CORO7: variants seen among roughly 807,000 people sequenced by gnomAD.
CORO7 encodes the protein coronin-7.
In CORO7, 107 loss-of-function variants were observed where a neutral mutation model predicts 126.6. That is an observed-to-expected ratio of 0.85 (90% CI 0.72 to 0.99). The LOEUF (loss-of-function observed/expected upper bound fraction) is 0.99, where lower values mean the gene tolerates loss of function less well. Among genes scored for constraint, CORO7 ranks in the 50% least tolerant of loss-of-function variants. The probability of loss-of-function intolerance (pLI) is 0.00; values close to 1 mark genes in which losing one functional copy is unlikely to be tolerated. For missense variants in CORO7, 1,314 were observed against 1,255.8 expected, an observed-to-expected ratio of 1.05 and a Z score of -0.70; for synonymous variants, 603 against 536.8, an observed-to-expected ratio of 1.12 and a Z score of -1.70.
chr16:4,384,742 C>T (rs905737237), intron 9 of CORO7, among the ~76,000 whole-genome samples: 18 of 152,110 alleles, frequency 1.2e-4, no homozygotes, highest in African/African-American at 4.1e-4. Flanking sequence ...TGGCAGTGGG[C>T]CTGGGTGGGG....
At chr16:4,396,066 G>A (rs1163968641) in intron 6 of CORO7, among the ~76,000 whole-genome samples, 2 of 151,630 alleles carry the variant, frequency 1.3e-5, no homozygotes, top group Admixed American at 6.6e-5. Context: ...ACTACTACAG[G>A]CTGGGCCATA....
At chr16:4,382,445 C>A (rs1160659036) in intron 9 of CORO7, 4 of 1,609,776 alleles carry the variant, frequency 2.5e-6, no homozygotes, top group Non-Finnish European at 3.4e-6. Context: ...TACACGGTCA[C>A]CCAGCTGCGG....
At chr16:4,365,568 G>A in intron 9 of CORO7, 23 bp from the exon 10 acceptor site, 2 of 1,566,790 alleles carry the variant, frequency 1.3e-6, no homozygotes, top group Non-Finnish European at 1.7e-6. Flanking sequence ...GGGCAAGATG[G>A]CGGGTCAGGG....
At chr16:4,378,768 G>A (rs1363094272) in intron 9 of CORO7, among the ~76,000 whole-genome samples, 1 of 152,110 alleles carries the variant, frequency 6.6e-6, no homozygotes, top group East Asian at 1.9e-4. Flanking sequence ...GCAAAGGCAG[G>A]CTGGGTCTCA....
chr16:4,414,099 G>A (rs933723368), intron 1 of CORO7, among the ~76,000 whole-genome samples: 5 of 151,486 alleles, frequency 3.3e-5, no homozygotes, highest in African/African-American at 9.7e-5. Context: ...GCTGAGGGAG[G>A]AGAATCACTT....
chr16:4,385,211 TGACACATGCTCTTGTTTCATGCCCGGC>T lies in CORO7; in HGVS notation c.785+2748_785+2774del, dbSNP rs2055153963. Among the ~76,000 whole-genome samples the T allele has an allele frequency of 3.3e-5, 5 of 152,190 alleles. No individual in the cohort carries two copies. The South Asian group carries it at 1.0e-3, about 32-fold the overall frequency. ...TGCAGCAGGCCCTGGGCCATGTGGG[TGACACATGCTCTTGTTTCATGCCCGGC>T]GACCTCGTCTATTGAAAAGGAGTGG... is the stretch of plus-strand genomic sequence containing the variant. On this transcript the variant is annotated intron_variant, in intron 9 of 27. Coordinates refer to ENST00000251166, the MANE Select transcript of CORO7 (RefSeq NM_024535.5).
At chr16:4,393,593 G>A (rs569122699) in intron 7 of CORO7, among the ~76,000 whole-genome samples, 78 of 152,284 alleles carry the variant, frequency 5.1e-4, no homozygotes, top group South Asian at 2.9e-3. Flanking sequence ...GTGTGTAGGG[G>A]GCTCTGGGGC....
At chr16:4,384,036 A>T (rs2055101224) in intron 9 of CORO7, among the ~76,000 whole-genome samples, 1 of 152,224 alleles carries the variant, frequency 6.6e-6, no homozygotes, top group African/African-American at 2.4e-5. Context: ...CCATGGGCGC[A>T]GCAGGAAATC....
chr16:4,376,729 G>T (rs1396613578), intron 9 of CORO7, among the ~76,000 whole-genome samples: 1 of 152,052 alleles, frequency 6.6e-6, no homozygotes, highest in African/African-American at 2.4e-5. Flanking sequence ...TTACTCATAG[G>T]GCCCCTCCCT....
intron 9 of CORO7, chr16:4,381,484 G>A (rs755695131): frequency 1.3e-6 from 2 of 1,586,176 alleles, no homozygotes; most frequent in Non-Finnish European, 1.7e-6. Flanking sequence ...GGCTGGTCTG[G>A]GGCTGCAGCA....
At chr16:4,395,662 T>C (rs1158259933) in intron 6 of CORO7, among the ~76,000 whole-genome samples, 1 of 152,172 alleles carries the variant, frequency 6.6e-6, no homozygotes, top group Non-Finnish European at 1.5e-5. Flanking sequence ...AACTACCCTA[T>C]GAAGTGGTAC....
chr16:4,406,389 G>A (rs915400092), intron 5 of CORO7, among the ~76,000 whole-genome samples: 2 of 152,108 alleles, frequency 1.3e-5, no homozygotes, highest in African/African-American at 2.4e-5. Flanking sequence ...TTCACCTCCT[G>A]GGTTCAAGTA....
chr16:4,387,846 C>T, intron 9 of CORO7, 140 bp downstream of exon 9: 2 of 1,069,210 alleles, frequency 1.9e-6, no homozygotes, highest in Non-Finnish European at 2.7e-6. Flanking sequence ...GTGTCTGTTG[C>T]AAGGCCTTGC....
At position 4,412,770 on chromosome 16, in the gene CORO7, A is replaced by T. The variant is rs1596344907; in HGVS notation, c.158-340T>A. On this transcript the variant is annotated intron_variant, in intron 2 of 27. Coordinates refer to ENST00000251166, the MANE Select transcript of CORO7 (RefSeq NM_024535.5). ...TTACTTGAGAAAGAAGCCAACACCC[A>T]AGGTGGCAGAGCTGAGAGACCCAGA... is the stretch of plus-strand genomic sequence containing the variant. 7 of 340,838 alleles carry T rather than the reference A, an allele frequency of 2.1e-5. No homozygotes were observed. In the East Asian group the frequency reaches 3.9e-4, roughly 19 times the overall value. The allele number at this position is 340,838 out of a possible 1,614,324, so 21.1% of individuals were successfully genotyped here. A position where few individuals can be genotyped will look rare whatever the true frequency, so the allele number is the denominator to read the frequency against.
At chr16:4,394,317 C>T (rs533308853) in intron 7 of CORO7, among the ~76,000 whole-genome samples, 80 of 152,152 alleles carry the variant, frequency 5.3e-4, no homozygotes, top group African/African-American at 1.7e-3. Context: ...GGCGTGGTGG[C>T]GGTCGCCTGT....
In CORO7 at chr16:4,412,419, T is replaced by C. The variant is rs2141334694; in HGVS notation, c.169A>G (p.Ile57Val). The C allele has an allele frequency of 1.2e-6, 2 of 1,614,074 alleles. No individual in the cohort carries two copies. The highest frequency in any genetic ancestry group is 1.7e-6 in the Non-Finnish European group (2 of 1,180,036). Residue 57 changes from isoleucine (I) to valine (V), a missense_variant, in exon 3 of 28, where the codon ATT (isoleucine) becomes GTT (valine). Coordinates refer to ENST00000251166, the MANE Select transcript of CORO7 (RefSeq NM_024535.5). ...TCTCCTTGGCCTTGCAGAGGCACAA[T>C]GCCCAGTACACCTGTTAAACAAACA... ...FNSDRPGVLG[I>V]VPLQGQGEDK...
Position 4,360,489 on chromosome 16 carries a change from C to A in CORO7, c.1977G>T (p.Gly659=). ...TCCGGGGCCTGTAGACCCGCACACGCCCATCCTTGCAGACAGTGGCCAGCT... is the reference window on the plus strand; with the variant it reads ...TCCGGGGCCTGTAGACCCGCACACGACCATCCTTGCAGACAGTGGCCAGCT... ...GQQLATVCKD[G]RVRVYRPRSG... The change falls in exon 20 of 28, where the codon GGG becomes GGT. Residue 659 remains glycine (G), a synonymous_variant. Transcript: ENST00000251166. 1.2e-6 allele frequency: 2 copies of A among 1,612,346 alleles called. No homozygotes were observed. Among genetic ancestry groups the A allele is most frequent in the Non-Finnish European group, 1.7e-6 (2 of 1,179,658 alleles).
At chr16:4,403,405 C>T (rs779285810) in intron 6 of CORO7, among the ~76,000 whole-genome samples, 12 of 152,192 alleles carry the variant, frequency 7.9e-5, no homozygotes, top group Admixed American at 1.3e-4. Flanking sequence ...ACTGTGCTGA[C>T]AGGTGCGGCT....
intron 7 of CORO7, among the ~76,000 whole-genome samples, chr16:4,389,712 C>T (rs1333411253): frequency 6.6e-6 from 1 of 152,212 alleles, no homozygotes; most frequent in African/African-American, 2.4e-5. Context: ...GAGGGGATAT[C>T]GGGTCAGGAC....
Sources: gnomAD v4.1 joint callset for allele counts (sites outside exome capture counted in the v4.1 genomes callset) on GRCh38, gnomAD v4.1.1 for gene constraint, MANE v1.5 for transcripts, NCBI Gene and HGNC (gene_info 2026-07-23, HGNC 2026-07-21) for gene names.